CDKL1: variants seen among roughly 807,000 people sequenced by gnomAD.
The protein encoded by CDKL1 is cyclin dependent kinase like 1.
In CDKL1, 41 loss-of-function variants were observed where a neutral mutation model predicts 42.0. The observed-to-expected ratio is 0.98, with a 90% CI of 0.76 to 1.27. The LOEUF is 1.27. Ranked by LOEUF, CDKL1 falls within the 50% of genes most tolerant of loss-of-function variation. The pLI, the probability that CDKL1 is intolerant of heterozygous loss-of-function variation, is 0.00. For synonymous variants in CDKL1, 153 were observed against 158.6 expected (o/e 0.96, Z 0.26); for missense variants, 394 against 428.4 (o/e 0.92, Z 0.71).
chr14:50,334,476 C>G (rs1239677124), intron 8 of CDKL1, 89 bp downstream of exon 8: 1 of 816,034 alleles, frequency 1.2e-6, no homozygotes, highest in Non-Finnish European at 2.1e-6. Flanking sequence ...GAACACTTTT[C>G]ATTGCATGGA....
At position 50,343,266 on chromosome 14, in the gene CDKL1, AC is replaced by A. The variant is rs2033617744; in HGVS notation, c.364-1045del. Among the ~76,000 whole-genome samples the A allele has an allele frequency of 2.8e-5, 4 of 143,528 alleles. No individual in the cohort carries two copies. In the South Asian group the frequency reaches 8.7e-4, roughly 31 times the overall value. 94.2% of individuals were successfully genotyped at this position (143,528 alleles called of 152,430 possible). A position where few individuals can be genotyped will look rare whatever the true frequency, so the allele number is the denominator to read the frequency against. On this transcript the variant is annotated intron_variant, in intron 4 of 9. Coordinates refer to ENST00000395834, the MANE Select transcript of CDKL1 (RefSeq NM_004196.7). ...GGAGGAGAATGCTAGATCGTTTGCA[AC>A]CTGAGAGACCCTCTTTGGCCTGCAG...
upstream of CDKL1, chr14:50,397,248 T>A (rs1234489932): frequency 7.3e-7 from 1 of 1,366,574 alleles, no homozygotes; most frequent in African/African-American, 1.5e-5. Context: ...CTTTGGTCCC[T>A]TGGAGGCATC....
intron 7 of CDKL1, among the ~76,000 whole-genome samples, chr14:50,335,064 G>A (rs925951802): frequency 1.3e-5 from 2 of 151,740 alleles, no homozygotes; most frequent in Non-Finnish European, 2.9e-5. Flanking sequence ...GGCCAAGTCT[G>A]ATGGCTTGAG....
At chr14:50,371,646 G>A (rs1047589963) in intron 2 of CDKL1, among the ~76,000 whole-genome samples, 4 of 152,342 alleles carry the variant, frequency 2.6e-5, no homozygotes, top group East Asian at 1.9e-4. Flanking sequence ...TGGGGGAGGC[G>A]CAGCCATGGC....
chr14:50,332,774 G>A (rs1332694461), intron 8 of CDKL1: 10 of 959,506 alleles, frequency 1.0e-5, no homozygotes, highest in Non-Finnish European at 1.4e-5. Flanking sequence ...TCCCTTGCAT[G>A]TACTTTGTAA....
At chr14:50,380,959 G>A (rs2034889873) in intron 2 of CDKL1, among the ~76,000 whole-genome samples, 1 of 152,098 alleles carries the variant, frequency 6.6e-6, no homozygotes, top group African/African-American at 2.4e-5. Flanking sequence ...GCACCACCAT[G>A]CCCAGCTGTA....
chr14:50,363,223 C>T (rs1282528125), intron 2 of CDKL1: 7 of 197,702 alleles, frequency 3.5e-5, no homozygotes, highest in South Asian at 1.6e-4. Flanking sequence ...ACACTCACCG[C>T]GAGAGTCTGT....
chr14:50,375,698 G>A (rs1270966140), intron 2 of CDKL1, among the ~76,000 whole-genome samples: 2 of 152,188 alleles, frequency 1.3e-5, no homozygotes, highest in Non-Finnish European at 2.9e-5. Context: ...TTGGGAGGCT[G>A]AGGCAGGAGA....
Position 50,341,135 on chromosome 14 carries a change from A to C in CDKL1, c.552T>G (p.Asp184Glu). 6.2e-7 allele frequency: 1 copy of C among 1,614,150 alleles called. No individual in the cohort carries two copies. Among genetic ancestry groups the C allele is most frequent in the Non-Finnish European group, 8.5e-7 (1 of 1,180,022 alleles). Residue 184 changes from aspartate to glutamate, a missense_variant, in exon 6 of 10, where the codon GAT becomes GAG. By Grantham distance (45) the Asp-to-Glu change is conservative (BLOSUM62 2). Transcript: ENST00000395834. Reference sequence around the variant, plus strand: ...CAAAGACACAGCCAATTGCCCAAACATCCACCGGGGGGCCGTACTGCGTGT... The same window carrying C: ...CAAAGACACAGCCAATTGCCCAAACCTCCACCGGGGGGCCGTACTGCGTGT... ...VGDTQYGPPVDVWAIGCVFAE... is the reference protein window; with the variant it reads ...VGDTQYGPPVEVWAIGCVFAE...
chr14:50,347,737 G>T (rs2139417519), intron 3 of CDKL1, among the ~76,000 whole-genome samples: 1 of 152,266 alleles, frequency 6.6e-6, no homozygotes, highest in South Asian at 2.1e-4. Flanking sequence ...GAGAAGCATA[G>T]CATATGGGTG....
chr14:50,386,830 G>A (rs1022237911), intron 2 of CDKL1, among the ~76,000 whole-genome samples: 25 of 151,834 alleles, frequency 1.6e-4, no homozygotes, highest in Non-Finnish European at 3.2e-4. Flanking sequence ...GGAGGCCGAG[G>A]TCAGGAGTTT....
intron 2 of CDKL1, among the ~76,000 whole-genome samples, chr14:50,392,819 C>G (rs922664212): frequency 3.9e-5 from 6 of 152,134 alleles, no homozygotes; most frequent in Non-Finnish European, 5.9e-5. Context: ...TCCTTTCCCC[C>G]ACATTTGCAC....
At chr14:50,395,334 G>A (rs1338704541) in intron 2 of CDKL1, among the ~76,000 whole-genome samples, 1 of 152,170 alleles carries the variant, frequency 6.6e-6, no homozygotes, top group Non-Finnish European at 1.5e-5. Context: ...CACCTTACCT[G>A]GCACTTTTGT....
At chr14:50,373,933 C>A (rs139179869) in intron 2 of CDKL1, among the ~76,000 whole-genome samples, 3 of 152,040 alleles carry the variant, frequency 2.0e-5, no homozygotes, top group South Asian at 2.1e-4. Context: ...AGGTATTTAC[C>A]CAAATGGTTG....
rs146766928 is a variant in CDKL1, at chr14:50,327,599, G to A, written c.*2475C>T. ...TCTGTCGCAGCGTCCCAGGTAGCTG[G>A]GATTACAGGCGCCCACCACCACGCC... On this transcript the variant is annotated 3_prime_UTR_variant, in exon 10 of 10. Coordinates refer to ENST00000395834, the MANE Select transcript of CDKL1 (RefSeq NM_004196.7). 6.6e-6 allele frequency: 1 copy of A among 151,622 alleles called. No homozygotes were observed. Among genetic ancestry groups the A allele is most frequent in the African/African-American group, 2.4e-5 (1 of 41,280 alleles). 9.4% of individuals were successfully genotyped at this position (151,622 alleles called of 1,614,324 possible). A position where few individuals can be genotyped will look rare whatever the true frequency, so the allele number is the denominator to read the frequency against.
At chr14:50,342,938 T>C (rs772763412) in intron 4 of CDKL1, 76 of 1,356,062 alleles carry the variant, frequency 5.6e-5, no homozygotes, top group South Asian at 3.5e-5. Context: ...GTCAGCTCTG[T>C]CCCACACACA....
chr14:50,350,531 T>C (rs544111619), intron 3 of CDKL1, among the ~76,000 whole-genome samples: 2 of 152,294 alleles, frequency 1.3e-5, no homozygotes, highest in South Asian at 4.1e-4. Context: ...GATTAGGTGA[T>C]TGAACTTTAG....
At position 50,332,364 on chromosome 14, in the gene CDKL1, T is replaced by G; in HGVS notation, c.864A>C (p.Glu288Asp). 1 of 1,614,224 alleles carries G rather than the reference T, an allele frequency of 6.2e-7. No individual in the cohort carries two copies. The highest frequency in any genetic ancestry group is 8.5e-7 in the Non-Finnish European group (1 of 1,180,040). Reference sequence around the variant, plus strand: ...CCAAATCCTCTATTTCTCTGATGTTTTCAAAATATGGGTGATGCAACAGCT... The same window carrying G: ...CCAAATCCTCTATTTCTCTGATGTTGTCAAAATATGGGTGATGCAACAGCT... Reference protein sequence around the residue: ...CEQLLHHPYFENIREIEDLAK... With the variant: ...CEQLLHHPYFDNIREIEDLAK... Residue 288 changes from glutamate (E) to aspartate (D), a missense_variant, in exon 9 of 10, where the codon GAA becomes GAC. Transcript: ENST00000395834.
At chr14:50,385,106 A>C (rs995413481) in intron 2 of CDKL1, among the ~76,000 whole-genome samples, 3 of 137,424 alleles carry the variant, frequency 2.2e-5, no homozygotes, top group African/African-American at 8.7e-5. Context: ...AAAAAAAAAA[A>C]AAGAACCATT....
Sources: allele counts gnomAD v4.1 joint callset (sites outside exome capture counted in the v4.1 genomes callset), GRCh38; gene constraint gnomAD v4.1.1; transcripts MANE v1.5; gene names NCBI Gene and HGNC (gene_info 2026-07-23, HGNC 2026-07-21).